SEPTIN9: variants seen among roughly 807,000 people sequenced by gnomAD.
The protein encoded by SEPTIN9 is septin-9.
SEPTIN9 carries 13 observed loss-of-function variants against 56.6 expected under a neutral mutation model. The observed-to-expected ratio is 0.23, with a 90% CI of 0.15 to 0.37. The LOEUF (loss-of-function observed/expected upper bound fraction) is 0.37, where lower values mean the gene tolerates loss of function less well. Ranked by LOEUF, SEPTIN9 falls within the 10% of genes least tolerant of loss-of-function variation. The pLI is 1.00. For missense variants in SEPTIN9, 650 were observed against 823.1 expected (o/e 0.79, Z 2.57); for synonymous variants, 332 against 334.1 (o/e 0.99, Z 0.07).
rs1294896625 is a variant in SEPTIN9 at position 77,482,133 on chromosome 17, TC to T, written c.722-9del. Reference sequence around the variant, plus strand: ...TGTTCCGCTCTAACTCCTCTGCTGTTCCTTCCCCAGCCACTGAGGCGGCTCC... The same window carrying T: ...TGTTCCGCTCTAACTCCTCTGCTGTTCTTCCCCAGCCACTGAGGCGGCTCC... On this transcript the variant is annotated splice_polypyrimidine_tract_variant and intron_variant, in intron 3 of 11. Transcript: ENST00000427177. The T allele has an allele frequency of 1.9e-6, 3 of 1,554,892 alleles. No individual in the cohort carries two copies. The highest frequency in any genetic ancestry group is 2.6e-6 in the Non-Finnish European group (3 of 1,150,642).
chr17:77,316,554 T>C (rs1400988515), intron 2 of SEPTIN9, among the ~76,000 whole-genome samples: 1 of 152,120 alleles, frequency 6.6e-6, no homozygotes, highest in East Asian at 1.9e-4. Flanking sequence ...AACTCAGTCA[T>C]AGCCCGGCCC....
intron 2 of SEPTIN9, among the ~76,000 whole-genome samples, chr17:77,388,335 T>G (rs1417504369): frequency 6.6e-6 from 1 of 152,130 alleles, no homozygotes; most frequent in Non-Finnish European, 1.5e-5. Context: ...TTCTGGAATC[T>G]TCTGCGTCCA....
Position 77,482,759 on chromosome 17 carries a change from C to T in SEPTIN9, c.913+424C>T, listed in dbSNP as rs941961079. The T allele has an allele frequency of 8.6e-6, 5 of 579,344 alleles. No individual in the cohort carries two copies. The Admixed American group carries it at 1.5e-4, about 17-fold the overall frequency. 35.9% of individuals were successfully genotyped at this position (579,344 alleles called of 1,614,324 possible). On this transcript the variant is annotated intron_variant, in intron 4 of 11. Transcript: ENST00000427177. ...AGGCTTCCCAGCAGCTCAGCTTCAG[C>T]TCTGCCCTGGAATTGGGGCCTCGTG... is the stretch of plus-strand genomic sequence containing the variant.
intron 3 of SEPTIN9, chr17:77,446,418 T>G (rs1348284172): frequency 6.5e-6 from 1 of 153,584 alleles, no homozygotes; most frequent in Non-Finnish European, 1.5e-5. Context: ...TGGCACAATC[T>G]TGGCTCACTG....
rs2037375065 is a variant in SEPTIN9 at position 77,437,223 on chromosome 17, A to G, written c.721+34520A>G. Among the ~76,000 whole-genome samples, 1 of 152,178 alleles carries G rather than the reference A, an allele frequency of 6.6e-6. No homozygotes were observed. Among genetic ancestry groups the G allele is most frequent in the Non-Finnish European group, 1.5e-5 (1 of 68,020 alleles). On this transcript the variant is annotated intron_variant, in intron 3 of 11. Transcript: ENST00000427177. This position sits in a 1 kb window ranked among gnomAD's most constrained non-coding sequence, Gnocchi z 5.3. ...CCTGCGAGGGAAAGAAGAATGCCCT[A>G]TGCAGAAGTGGTTGGAAAGCAAGAA... is the stretch of plus-strand genomic sequence containing the variant.
At chr17:77,381,175 A>G (rs1294396184) in intron 2 of SEPTIN9, among the ~76,000 whole-genome samples, 1 of 152,180 alleles carries the variant, frequency 6.6e-6, no homozygotes, top group Non-Finnish European at 1.5e-5. Context: ...TGGGCCACAG[A>G]TAGACCCCCT....
intron 3 of SEPTIN9, among the ~76,000 whole-genome samples, chr17:77,463,033 C>T (rs2038549542): frequency 6.6e-6 from 1 of 152,074 alleles, no homozygotes; most frequent in Non-Finnish European, 1.5e-5. Context: ...GAACAGTGAG[C>T]CCGTGGGGGT....
chr17:77,333,229 C>A (rs531565734), intron 2 of SEPTIN9, among the ~76,000 whole-genome samples: 1 of 152,336 alleles, frequency 6.6e-6, no homozygotes, highest in African/African-American at 2.4e-5. Context: ...CGGTTGAGCA[C>A]ATTTTCATGA....
At chr17:77,303,155 C>T (rs2032129767) in intron 1 of SEPTIN9, among the ~76,000 whole-genome samples, 1 of 151,866 alleles carries the variant, frequency 6.6e-6, no homozygotes, top group South Asian at 2.1e-4. Context: ...GGCTGGAGTG[C>T]AATGGTGTGA....
chr17:77,435,987 CAA>C lies in SEPTIN9; in HGVS notation c.721+33285_721+33286del, dbSNP rs1486586230. ...GAGCATGGAGACGTTGCTGGAGGAC[CAA>C]GGGAGAACTGAGCGCGTGTTCTCTT... On this transcript the variant is annotated intron_variant, in intron 3 of 11. Transcript: ENST00000427177. The surrounding 1 kb of genome is among the most constrained non-coding windows in gnomAD (Gnocchi z 4.5). Among the ~76,000 whole-genome samples the C allele has an allele frequency of 6.6e-6, 1 of 152,302 alleles. No homozygotes were observed. The highest frequency in any genetic ancestry group is 1.9e-4 in the East Asian group (1 of 5,180).
In SEPTIN9 at chr17:77,402,232, C is replaced by T. The variant is rs770806810; in HGVS notation, c.250C>T (p.Arg84Cys). ...CCGCCATGTGGACTCCCTAAGCCAA[C>T]GCTCCCCCAAGGCGTCCCTGCGGAG... ...SARHVDSLSQ[R>C]SPKASLRRVE... Residue 84 changes from arginine to cysteine, a missense_variant, in exon 3 of 12, where the codon CGC becomes TGC. By Grantham distance (180) the Arg-to-Cys change is radical. Transcript: ENST00000427177. This position sits in a 1 kb window ranked among gnomAD's most constrained non-coding sequence, Gnocchi z 6.6. 34 of 1,613,390 alleles carry T rather than the reference C, an allele frequency of 2.1e-5. No individual in the cohort carries two copies. Among genetic ancestry groups the T allele is most frequent in the South Asian group, 3.3e-5 (3 of 91,084 alleles).
intron 7 of SEPTIN9, among the ~76,000 whole-genome samples, chr17:77,489,753 G>A (rs983407677): frequency 1.3e-5 from 2 of 152,210 alleles, no homozygotes; most frequent in African/African-American, 2.4e-5. Context: ...CCAAGCCGGA[G>A]TTTTCGAGCC....
At chr17:77,498,448 G>C (rs1313150507) in intron 11 of SEPTIN9, 75 bp from the exon 12 acceptor site, 18 of 807,434 alleles carry the variant, frequency 2.2e-5, no homozygotes, top group Non-Finnish European at 2.2e-5. Flanking sequence ...GAGGCAGGCC[G>C]AGCAGGGCCC....
chr17:77,482,575 G>C (rs1242302155), intron 4 of SEPTIN9: 2 of 688,328 alleles, frequency 2.9e-6, no homozygotes, highest in African/African-American at 3.5e-5. Context: ...AGATGACTTT[G>C]GGGAGCCCAG....
Position 77,405,128 on chromosome 17 carries a change from C to T in SEPTIN9, c.721+2425C>T, listed in dbSNP as rs901684458. ...TGGATGCACAGGGACGTGGTCCTGG[C>T]TCTGGGGGACAGGTAGGGGGATGTC... On this transcript the variant is annotated intron_variant, in intron 3 of 11. Coordinates refer to ENST00000427177, the MANE Select transcript of SEPTIN9 (RefSeq NM_001113491.2). This position sits in a 1 kb window ranked among gnomAD's most constrained non-coding sequence, Gnocchi z 5.8. 1 of 1,535,224 alleles carries T rather than the reference C, an allele frequency of 6.5e-7. No homozygotes were observed. Among genetic ancestry groups the T allele is most frequent in the African/African-American group, 1.4e-5 (1 of 73,006 alleles).
Position 77,447,602 on chromosome 17 carries a change from C to T in SEPTIN9, c.722-34542C>T, listed in dbSNP as rs985780509. 3.3e-5 allele frequency among the ~76,000 whole-genome samples: 5 copies of T among 152,228 alleles called. No individual in the cohort carries two copies. The South Asian group carries it at 6.2e-4, about 19-fold the overall frequency. On this transcript the variant is annotated intron_variant, in intron 3 of 11. Transcript: ENST00000427177. ...TTGGAATCGTCTAAGAGATACTTAG[C>T]GTGTGCCTAAAACATTCATTTCTTT... is the stretch of plus-strand genomic sequence containing the variant.
At position 77,376,203 on chromosome 17, in the gene SEPTIN9, G is replaced by C. The variant is rs540483802; in HGVS notation, c.77-25856G>C. Reference sequence around the variant, plus strand: ...GAGGCTGGAATGAGCTGGCTGGAGAGGGGGCTGGGGCATAAGGAGGGGCCT... The same window carrying C: ...GAGGCTGGAATGAGCTGGCTGGAGACGGGGCTGGGGCATAAGGAGGGGCCT... On this transcript the variant is annotated intron_variant, in intron 2 of 11. Coordinates refer to ENST00000427177, the MANE Select transcript of SEPTIN9 (RefSeq NM_001113491.2). 107 of 986,468 alleles carry C rather than the reference G, an allele frequency of 1.1e-4. No homozygotes were observed. In the African/African-American group the frequency reaches 1.7e-3, roughly 16 times the overall value. 61.1% of individuals were successfully genotyped at this position (986,468 alleles called of 1,614,324 possible).
chr17:77,378,285 G>A (rs1165393442), intron 2 of SEPTIN9, among the ~76,000 whole-genome samples: 1 of 152,182 alleles, frequency 6.6e-6, no homozygotes, highest in Non-Finnish European at 1.5e-5. Context: ...GGAGTGAGGG[G>A]TATGGCAGTG....
In SEPTIN9 at chr17:77,405,025, C is replaced by T. The variant is rs2036017532; in HGVS notation, c.721+2322C>T. On this transcript the variant is annotated intron_variant, in intron 3 of 11. Coordinates refer to ENST00000427177, the MANE Select transcript of SEPTIN9 (RefSeq NM_001113491.2). This position sits in a 1 kb window ranked among gnomAD's most constrained non-coding sequence, Gnocchi z 5.8. ...CCCCCATCCTGGGTTGATGTGTTCA[C>T]ACTCAGCTGAGTCAAACAGGATGTG... 1 of 1,495,984 alleles carries T rather than the reference C, an allele frequency of 6.7e-7. No homozygotes were observed. Among genetic ancestry groups the T allele is most frequent in the Admixed American group, 2.0e-5 (1 of 50,348 alleles). The allele number at this position is 1,495,984 out of a possible 1,614,324, so 92.7% of individuals were successfully genotyped here.
Sources: gnomAD v4.1 joint callset for allele counts (sites outside exome capture counted in the v4.1 genomes callset) on GRCh38, gnomAD v4.1.1 for gene constraint, Gnocchi (gnomAD v3.1) non-coding constraint, MANE v1.5 for transcripts, NCBI Gene and HGNC (gene_info 2026-07-23, HGNC 2026-07-21) for gene names.